The following PTPRG variants were observed in gnomAD, a reference collection of about 807,000 sequenced individuals.
The protein encoded by PTPRG is receptor-type tyrosine-protein phosphatase gamma.
A neutral mutation model predicts 165.3 loss-of-function variants in PTPRG; 102 were observed. That is an observed-to-expected ratio of 0.62 (90% CI 0.53 to 0.73). The LOEUF (loss-of-function observed/expected upper bound fraction) is 0.73, where lower values mean the gene tolerates loss of function less well. Among genes scored for constraint, PTPRG ranks in the 30% least tolerant of loss-of-function variants. PTPRG has a pLI of 0.00. For synonymous variants in PTPRG, 675 were observed against 669.5 expected (o/e 1.01, Z -0.13); for missense variants, 1,866 against 1,861.4 (o/e 1.00, Z -0.05).
At chr3:61,888,064 G>T (rs144055803) in intron 2 of PTPRG, among the ~76,000 whole-genome samples, 1,725 of 152,254 alleles carry the variant, frequency 0.011, 12 homozygotes, top group Non-Finnish European at 0.019. Flanking sequence ...GGTGAATCAC[G>T]TCTTCCTCTA....
At position 62,267,779 on chromosome 3, in the gene PTPRG, G is replaced by C; in HGVS notation, c.2834G>C (p.Gly945Ala). 1 of 1,613,522 alleles carries C rather than the reference G, an allele frequency of 6.2e-7. No individual in the cohort carries two copies. The highest frequency in any genetic ancestry group is 8.5e-7 in the Non-Finnish European group (1 of 1,179,530). The change falls in exon 19 of 30, where the codon GGA (glycine) becomes GCA (alanine). Residue 945 changes from glycine (G) to alanine (A), a missense_variant. Gly to Ala is a moderately conservative substitution (Grantham distance 60). This residue lies in a region of PTPRG where 1,452 missense variants were observed against 1,463.0 expected (regional missense o/e 0.99). Coordinates refer to ENST00000474889, the MANE Select transcript of PTPRG (RefSeq NM_002841.4). Reference sequence around the variant, plus strand: ...AGGATGATTTGGGAACAAAACACTGGAATCATTGTGATGATTACGAACCTT... The same window carrying C: ...AGGATGATTTGGGAACAAAACACTGCAATCATTGTGATGATTACGAACCTT... ...FWRMIWEQNT[G>A]IIVMITNLVE...
chr3:61,887,506 A>C (rs2038084956), intron 2 of PTPRG, among the ~76,000 whole-genome samples: 1 of 152,166 alleles, frequency 6.6e-6, no homozygotes, highest in Non-Finnish European at 1.5e-5. Flanking sequence ...AAAACAAAAA[A>C]CCAAACCAAA....
intron 1 of PTPRG, among the ~76,000 whole-genome samples, chr3:61,609,605 C>G (rs1359448172): frequency 6.6e-6 from 1 of 152,080 alleles, no homozygotes; most frequent in Non-Finnish European, 1.5e-5. Flanking sequence ...GCCTGTAATC[C>G]TTGCACTTCG....
chr3:61,774,785 T>C (rs2034318233), intron 2 of PTPRG, among the ~76,000 whole-genome samples: 1 of 152,224 alleles, frequency 6.6e-6, no homozygotes, highest in Non-Finnish European at 1.5e-5. Context: ...CATATGGCTA[T>C]TGAGCAGCTT....
chr3:61,603,770 G>C (rs1179374063), intron 1 of PTPRG, among the ~76,000 whole-genome samples: 1 of 152,138 alleles, frequency 6.6e-6, no homozygotes, highest in Non-Finnish European at 1.5e-5. Context: ...TTGCCTTGCA[G>C]ATGTGGCTCC....
intron 2 of PTPRG, among the ~76,000 whole-genome samples, chr3:61,912,937 GAAAATAA>G (rs1473465063): frequency 6.6e-6 from 1 of 151,866 alleles, no homozygotes; most frequent in Non-Finnish European, 1.5e-5. Flanking sequence ...TTCTCATGCT[GAAAATAA>G]CATGAACAGG....
intron 2 of PTPRG, among the ~76,000 whole-genome samples, chr3:61,763,538 G>T (rs56175064): frequency 1 from 150,112 of 150,132 alleles, 75,046 homozygotes; most frequent in Middle Eastern, 1. Flanking sequence ...GCTAATTTTT[G>T]TATTTCTCCT....
chr3:62,220,144 T>G (rs1339868624), intron 13 of PTPRG, among the ~76,000 whole-genome samples: 1 of 152,058 alleles, frequency 6.6e-6, no homozygotes. Context: ...CAGAGGTCAG[T>G]GGGGCTGAGA....
At chr3:61,648,601 C>T (rs1559539529) in intron 1 of PTPRG, among the ~76,000 whole-genome samples, 1 of 152,234 alleles carries the variant, frequency 6.6e-6, no homozygotes, top group Non-Finnish European at 1.5e-5. Context: ...TGACCCCAGG[C>T]TGATGCACCA....
intron 1 of PTPRG, among the ~76,000 whole-genome samples, chr3:61,722,231 A>ACG (rs1268699542): frequency 6.6e-6 from 1 of 151,832 alleles, no homozygotes; most frequent in East Asian, 1.9e-4. Flanking sequence ...ATACACACAC[A>ACG]CACACACACA....
intron 2 of PTPRG, among the ~76,000 whole-genome samples, chr3:61,787,951 G>T (rs2034759267): frequency 6.6e-6 from 1 of 151,998 alleles, no homozygotes; most frequent in Non-Finnish European, 1.5e-5. Flanking sequence ...CTTGAAGATG[G>T]CTCCCGCTAT....
In PTPRG at chr3:61,890,095, T is replaced by G. The variant is rs534739216; in HGVS notation, c.191-99530T>G. 2.0e-5 allele frequency among the ~76,000 whole-genome samples: 3 copies of G among 152,334 alleles called. No individual in the cohort carries two copies. The South Asian group carries it at 6.2e-4, about 32-fold the overall frequency. On this transcript the variant is annotated intron_variant, in intron 2 of 29. Coordinates refer to ENST00000474889, the MANE Select transcript of PTPRG (RefSeq NM_002841.4). The stretch of plus-strand genomic sequence containing the variant: ...CACTTAAGCTTTTCTGCAGAGTATA[T>G]GAGGACAGCTGTTGCATTCTTTTTA...
intron 15 of PTPRG, among the ~76,000 whole-genome samples, chr3:62,251,787 G>A (rs1576179800): frequency 6.6e-6 from 1 of 152,174 alleles, no homozygotes; most frequent in Non-Finnish European, 1.5e-5. Flanking sequence ...CAGGAATACA[G>A]TCTTTGGGTT....
intron 1 of PTPRG, among the ~76,000 whole-genome samples, chr3:61,621,543 T>A (rs1238082787): frequency 6.6e-6 from 1 of 152,224 alleles, no homozygotes; most frequent in Admixed American, 6.5e-5. Context: ...TCAGCAATTT[T>A]GTTTTTTTCG....
At chr3:62,146,667 G>A (rs947754892) in intron 6 of PTPRG, among the ~76,000 whole-genome samples, 3 of 151,874 alleles carry the variant, frequency 2.0e-5, no homozygotes, top group African/African-American at 7.2e-5. Context: ...TCATATAGGA[G>A]TGCAGGGGTT....
At chr3:61,830,560 G>C (rs917361361) in intron 2 of PTPRG, among the ~76,000 whole-genome samples, 27 of 90,100 alleles carry the variant, frequency 3.0e-4, no homozygotes, top group African/African-American at 6.3e-4. Flanking sequence ...GGTTCTTTTT[G>C]TTTTTGTTTT....
At chr3:61,841,258 C>T (rs1388667082) in intron 2 of PTPRG, among the ~76,000 whole-genome samples, 1 of 152,078 alleles carries the variant, frequency 6.6e-6, no homozygotes, top group Non-Finnish European at 1.5e-5. Context: ...AGGAAAGAAC[C>T]TTTCTATTTA....
intron 4 of PTPRG, among the ~76,000 whole-genome samples, chr3:62,075,799 G>A (rs1194006626): frequency 6.6e-6 from 1 of 152,124 alleles, no homozygotes; most frequent in Non-Finnish European, 1.5e-5. Context: ...TGGTTGTTCA[G>A]TCTATTACAG....
intron 1 of PTPRG, among the ~76,000 whole-genome samples, chr3:61,703,180 C>T (rs770564657): frequency 1.3e-5 from 2 of 150,330 alleles, no homozygotes; most frequent in Non-Finnish European, 2.9e-5. Context: ...TATGAAAGTT[C>T]AGTGGACTGG....
Sources: gnomAD v4.1 joint callset for allele counts (sites outside exome capture counted in the v4.1 genomes callset) on GRCh38, gnomAD v4.1.1 for gene constraint, gnomAD v4.1.1 regional missense constraint, MANE v1.5 for transcripts, NCBI Gene and HGNC (gene_info 2026-07-23, HGNC 2026-07-21) for gene names.